CARMIL1: variants seen among roughly 807,000 people sequenced by gnomAD.
CARMIL1 encodes capping protein regulator and myosin 1 linker 1, also known as F-actin-uncapping protein LRRC16A.
CARMIL1 carries 90 observed loss-of-function variants against 177.1 expected under a neutral mutation model. The ratio of observed to expected loss-of-function variants is 0.51; its 90% CI spans 0.43 to 0.61. CARMIL1 has a LOEUF of 0.61. Among genes scored for constraint, CARMIL1 ranks in the 20% least tolerant of loss-of-function variants. The pLI, the probability that CARMIL1 is intolerant of heterozygous loss-of-function variation, is 0.00. For missense variants in CARMIL1, 1,380 were observed against 1,667.0 expected, an observed-to-expected ratio of 0.83 and a Z score of 3.00; for synonymous variants, 577 against 606.2, an observed-to-expected ratio of 0.95 and a Z score of 0.71.
chr6:25,315,520 C>T (rs1268850936), intron 2 of CARMIL1, among the ~76,000 whole-genome samples: 1 of 152,258 alleles, frequency 6.6e-6, no homozygotes, highest in African/African-American at 2.4e-5. Context: ...TGGCTCTCCA[C>T]AGCCTCCTCC....
At chr6:25,420,297 C>T (rs1795741842) in intron 3 of CARMIL1, 133 bp downstream of exon 3, 1 of 809,122 alleles carries the variant, frequency 1.2e-6, no homozygotes, top group Non-Finnish European at 2.1e-6. Flanking sequence ...ACACACCTCA[C>T]TTACATAGAC....
At chr6:25,324,603 T>G (rs923654169) in intron 2 of CARMIL1, among the ~76,000 whole-genome samples, 5 of 152,206 alleles carry the variant, frequency 3.3e-5, no homozygotes, top group African/African-American at 1.2e-4. Flanking sequence ...ACAAAATATT[T>G]GAGTGCTTAC....
At chr6:25,514,605 G>A (rs1805792826) in intron 20 of CARMIL1, among the ~76,000 whole-genome samples, 1 of 146,518 alleles carries the variant, frequency 6.8e-6, no homozygotes, top group Non-Finnish European at 1.5e-5. Context: ...AATTGTAGAT[G>A]TATCTTCTGA....
Position 25,551,086 on chromosome 6 carries a change from G to T in CARMIL1, c.2504+1G>T. 6.2e-7 allele frequency: 1 copy of T among 1,611,500 alleles called. No homozygotes were observed. Among genetic ancestry groups the T allele is most frequent in the Non-Finnish European group, 8.5e-7 (1 of 1,178,552 alleles). Reference sequence around the variant, plus strand: ...GAATTGATATCCTTAACAAAATTAGGTAGGTTTATAATGTTAATAAACCTA... The same window carrying T: ...GAATTGATATCCTTAACAAAATTAGTTAGGTTTATAATGTTAATAAACCTA... On this transcript the variant is annotated splice_donor_variant, in intron 27 of 36. Coordinates refer to ENST00000329474, the MANE Select transcript of CARMIL1 (RefSeq NM_017640.6). LOFTEE classifies it high-confidence loss of function.
At position 25,554,809 on chromosome 6, in the gene CARMIL1, A is replaced by G. The variant is rs1391090646; in HGVS notation, c.2592+713A>G. 2.0e-5 allele frequency among the ~76,000 whole-genome samples: 3 copies of G among 152,230 alleles called. No homozygotes were observed. Among genetic ancestry groups the G allele is most frequent in the African/African-American group, 7.2e-5 (3 of 41,464 alleles). ...AGCAATGTTTCCTTCAAGAAAAATA[A>G]TTCTTCAATGTTTTCTTAACTGTGC... On this transcript the variant is annotated intron_variant, in intron 28 of 36. Transcript: ENST00000329474. The surrounding 1 kb of genome is among the most constrained non-coding windows in gnomAD (Gnocchi z 4.6).
At position 25,450,697 on chromosome 6, in the gene CARMIL1, T is replaced by A; in HGVS notation, c.600T>A (p.Ser200Arg). ...GGGAATTGAATTTACAAGATTTTAG[T>A]CATCTTGACCACAGGTAAGCTGCTT... The part of the protein sequence containing the change: ...DTRELNLQDF[S>R]HLDHRDLIPI... The change falls in exon 8 of 37, where the codon AGT becomes AGA. Residue 200 changes from serine to arginine, a missense_variant. Transcript: ENST00000329474. 6.2e-7 allele frequency: 1 copy of A among 1,604,380 alleles called. No homozygotes were observed. Among genetic ancestry groups the A allele is most frequent in the Non-Finnish European group, 8.5e-7 (1 of 1,174,468 alleles).
In CARMIL1 at chr6:25,610,111, A is replaced by G. The variant is rs201869110; in HGVS notation, c.3909A>G (p.Lys1303=). 6.0e-4 allele frequency: 971 copies of G among 1,613,950 alleles called. 3 individuals are homozygous for G. In the Middle Eastern group the frequency reaches 8.1e-3, roughly 13 times the overall value. Residue 1303 remains lysine, a synonymous_variant, in exon 36 of 37, where the codon AAA becomes AAG. Coordinates refer to ENST00000329474, the MANE Select transcript of CARMIL1 (RefSeq NM_017640.6). ...KVALLPPVLK[K]VPSDKERDGQ... is the part of the protein sequence containing the mutation. ...CCCTTCTTCCACCTGTCCTGAAAAA[A>G]GTTCCTTCAGACAAAGAGAGAGATG... is the stretch of plus-strand genomic sequence containing the variant.
chr6:25,449,144 G>C (rs898092437), intron 5 of CARMIL1, among the ~76,000 whole-genome samples: 3 of 152,112 alleles, frequency 2.0e-5, no homozygotes, highest in African/African-American at 7.2e-5. Context: ...GCCTGCCTTG[G>C]CCTCCCAAAG....
rs1157647804 is a variant in CARMIL1 at position 25,326,939 on chromosome 6, TG to T, written c.138+42035del. ...TGTTTATTGTGATGAGGGAGACTGG[TG>T]GGGGTAGCAAAAGGACATAACTTTT... is the stretch of plus-strand genomic sequence containing the variant. On this transcript the variant is annotated intron_variant, in intron 2 of 36. Transcript: ENST00000329474. This position sits in a 1 kb window ranked among gnomAD's most constrained non-coding sequence, Gnocchi z 4.2. 1.3e-5 allele frequency among the ~76,000 whole-genome samples: 2 copies of T among 151,864 alleles called. No individual in the cohort carries two copies. Among genetic ancestry groups the T allele is most frequent in the African/African-American group, 4.8e-5 (2 of 41,288 alleles).
chr6:25,471,232 G>A lies in CARMIL1; in HGVS notation c.754G>A (p.Val252Met). 1.2e-6 allele frequency: 2 copies of A among 1,613,224 alleles called. No individual in the cohort carries two copies. Among genetic ancestry groups the A allele is most frequent in the Non-Finnish European group, 1.7e-6 (2 of 1,179,448 alleles). The change falls in exon 10 of 37, where the codon GTG (valine) becomes ATG (methionine). Residue 252 changes from valine (V) to methionine (M), a missense_variant. Physicochemically the swap from Val to Met is conservative, Grantham distance 21. Coordinates refer to ENST00000329474, the MANE Select transcript of CARMIL1 (RefSeq NM_017640.6). ...TAGGTCCAATCGACTGGAAGAATTG[G>A]TGTTGGAAAATGCTGGACTTAGAAC... is the stretch of plus-strand genomic sequence containing the variant. Reference protein sequence around the residue: ...VSRSNRLEELVLENAGLRTDF... With the variant: ...VSRSNRLEELMLENAGLRTDF...
rs1196589085 is a variant in CARMIL1, at chr6:25,438,547, C to T, written c.371+2943C>T. ...CCTAGGGGAAGAGAAGGCGCCTGCC[C>T]TATAAGAGTAGGGCAAAGAATATCA... On this transcript the variant is annotated intron_variant, in intron 5 of 36. Coordinates refer to ENST00000329474, the MANE Select transcript of CARMIL1 (RefSeq NM_017640.6). 2.6e-5 allele frequency among the ~76,000 whole-genome samples: 4 copies of T among 152,232 alleles called. No individual in the cohort carries two copies. In the South Asian group the frequency reaches 6.2e-4, roughly 24 times the overall value.
chr6:25,405,342 T>C (rs551560417), intron 2 of CARMIL1, among the ~76,000 whole-genome samples: 32 of 152,354 alleles, frequency 2.1e-4, no homozygotes, highest in African/African-American at 5.5e-4. Flanking sequence ...AAATAATATA[T>C]GGTGATTTGT....
intron 35 of CARMIL1, among the ~76,000 whole-genome samples, chr6:25,607,652 G>A (rs1287888833): frequency 6.6e-6 from 1 of 152,234 alleles, no homozygotes. Flanking sequence ...TTATCAATGT[G>A]CAGATGGTTT....
chr6:25,409,491 C>A (rs1581841898), intron 2 of CARMIL1, among the ~76,000 whole-genome samples: 1 of 152,084 alleles, frequency 6.6e-6, no homozygotes, highest in African/African-American at 2.4e-5. Flanking sequence ...AAGCAACATG[C>A]CTAATACCTC....
At chr6:25,590,557 A>T (rs1268294526) in intron 31 of CARMIL1, among the ~76,000 whole-genome samples, 1 of 151,932 alleles carries the variant, frequency 6.6e-6, no homozygotes, top group Non-Finnish European at 1.5e-5. Flanking sequence ...TATAATAGAG[A>T]TTGTCTCTTC....
At chr6:25,459,146 A>G (rs975683327) in intron 8 of CARMIL1, among the ~76,000 whole-genome samples, 1 of 151,532 alleles carries the variant, frequency 6.6e-6, no homozygotes, top group South Asian at 2.1e-4. Flanking sequence ...GATTCTTTAG[A>G]GTTTTAAGGG....
intron 1 of CARMIL1, among the ~76,000 whole-genome samples, chr6:25,284,582 G>A (rs1174232419): frequency 2.0e-5 from 3 of 152,156 alleles, no homozygotes; most frequent in Admixed American, 6.5e-5. Flanking sequence ...GGTGGTGTGC[G>A]CCTGTAGTCT....
At chr6:25,562,316 C>T (rs1311719179) in intron 29 of CARMIL1, among the ~76,000 whole-genome samples, 2 of 151,408 alleles carry the variant, frequency 1.3e-5, no homozygotes, top group Non-Finnish European at 2.9e-5. Context: ...GGCATGATCT[C>T]GGCTCACTGC....
intron 2 of CARMIL1, among the ~76,000 whole-genome samples, chr6:25,337,652 T>C (rs963704046): frequency 6.6e-6 from 1 of 152,126 alleles, no homozygotes; most frequent in African/African-American, 2.4e-5. Flanking sequence ...ATTGTGATGG[T>C]TGTGGGTCAG....
Sources: gnomAD v4.1 joint callset for allele counts (sites outside exome capture counted in the v4.1 genomes callset) on GRCh38, gnomAD v4.1.1 for gene constraint, Gnocchi (gnomAD v3.1) non-coding constraint, MANE v1.5 for transcripts, NCBI Gene and HGNC (gene_info 2026-07-23, HGNC 2026-07-21) for gene names.